Variants in B3GALT1 observed in about 807,000 individuals in gnomAD.
B3GALT1 encodes the protein beta-1,3-galactosyltransferase 1.
Under a neutral mutation model 23.2 loss-of-function variants are expected in B3GALT1, and 10 were observed. That is an observed-to-expected ratio of 0.43 (90% CI 0.27 to 0.73). The LOEUF is 0.73. B3GALT1 is among the 30% of genes least tolerant of loss of function. The pLI, the probability that B3GALT1 is intolerant of heterozygous loss-of-function variation, is 0.21. For missense variants in B3GALT1, 299 were observed against 405.4 expected, an observed-to-expected ratio of 0.74 and a Z score of 2.25; for synonymous variants, 156 against 141.5, an observed-to-expected ratio of 1.10 and a Z score of -0.73.
At chr2:167,477,006 A>T (rs562975411) in intron 1 of B3GALT1, among the ~76,000 whole-genome samples, 3 of 152,224 alleles carry the variant, frequency 2.0e-5, no homozygotes, top group Non-Finnish European at 4.4e-5. Context: ...GTGTTTGATC[A>T]TATCCATGTT....
chr2:167,588,202 G>A (rs962054864), intron 2 of B3GALT1, among the ~76,000 whole-genome samples: 28 of 151,988 alleles, frequency 1.8e-4, no homozygotes, highest in Admixed American at 1.6e-3. Flanking sequence ...GCTTCTAGTC[G>A]AAACATATGG....
At chr2:167,498,813 T>C (rs1306068041) in intron 2 of B3GALT1, among the ~76,000 whole-genome samples, 1 of 152,146 alleles carries the variant, frequency 6.6e-6, no homozygotes, top group Non-Finnish European at 1.5e-5. Context: ...CCCATCATGC[T>C]GCCCCTATTA....
chr2:167,564,081 G>T (rs1415073624), intron 2 of B3GALT1, among the ~76,000 whole-genome samples: 1 of 151,760 alleles, frequency 6.6e-6, no homozygotes, highest in African/African-American at 2.4e-5. Flanking sequence ...CGGCTGCCGG[G>T]CGGAGGGGCC....
At chr2:167,431,861 A>G (rs963534472) in intron 1 of B3GALT1, among the ~76,000 whole-genome samples, 7 of 152,242 alleles carry the variant, frequency 4.6e-5, no homozygotes, top group African/African-American at 1.4e-4. Context: ...AAAAATATCT[A>G]GAAAGTGTAA....
intron 1 of B3GALT1, among the ~76,000 whole-genome samples, chr2:167,321,636 G>C (rs1435021555): frequency 6.6e-6 from 1 of 151,954 alleles, no homozygotes; most frequent in African/African-American, 2.4e-5. Flanking sequence ...CTCTCTACTT[G>C]TGCTGTCAAG....
At chr2:167,520,802 T>C (rs780309586) in intron 2 of B3GALT1, among the ~76,000 whole-genome samples, 1 of 152,208 alleles carries the variant, frequency 6.6e-6, no homozygotes, top group Non-Finnish European at 1.5e-5. Context: ...AAATCTCTGC[T>C]CACATCTGCA....
intron 1 of B3GALT1, among the ~76,000 whole-genome samples, chr2:167,342,750 C>T (rs557619497): frequency 3.9e-5 from 6 of 151,986 alleles, no homozygotes; most frequent in Non-Finnish European, 8.8e-5. Flanking sequence ...ACTACAATTC[C>T]GATTTCCGTG....
chr2:167,688,256 T>C (rs1471718873), intron 3 of B3GALT1, among the ~76,000 whole-genome samples: 1 of 152,052 alleles, frequency 6.6e-6, no homozygotes, highest in Non-Finnish European at 1.5e-5. Flanking sequence ...CAAAGGACCA[T>C]TGTCAGACCA....
At chr2:167,310,862 ACTTCTGGAAGTTATTTATTT>A (rs1696624939) in intron 1 of B3GALT1, among the ~76,000 whole-genome samples, 2 of 152,016 alleles carry the variant, frequency 1.3e-5, no homozygotes, top group Admixed American at 6.6e-5. Flanking sequence ...GTGTTCAAGC[ACTTCTGGAAGTTATTTATTT>A]TTTTTGCTAA....
intron 2 of B3GALT1, among the ~76,000 whole-genome samples, chr2:167,495,482 C>T (rs562172074): frequency 1.2e-4 from 18 of 151,850 alleles, no homozygotes; most frequent in Non-Finnish European, 1.8e-4. Context: ...TACAGGCATG[C>T]GCCACCACGC....
intron 3 of B3GALT1, among the ~76,000 whole-genome samples, chr2:167,785,255 T>C (rs1360609495): frequency 6.6e-6 from 1 of 152,070 alleles, no homozygotes; most frequent in Admixed American, 6.5e-5. Flanking sequence ...ACAGGACAGG[T>C]GAGGGATCTG....
At chr2:167,408,942 C>T (rs1238430268) in intron 1 of B3GALT1, among the ~76,000 whole-genome samples, 2 of 151,938 alleles carry the variant, frequency 1.3e-5, no homozygotes, top group African/African-American at 2.4e-5. Flanking sequence ...ATGGGCAATA[C>T]CAGCCAAAGC....
intron 1 of B3GALT1, among the ~76,000 whole-genome samples, chr2:167,381,739 A>G (rs1382627993): frequency 6.6e-6 from 1 of 152,242 alleles, no homozygotes; most frequent in African/African-American, 2.4e-5. Flanking sequence ...ATTATACAAC[A>G]GAAACTATGG....
intron 3 of B3GALT1, among the ~76,000 whole-genome samples, chr2:167,648,878 T>C (rs531744797): frequency 2.4e-4 from 37 of 152,202 alleles, no homozygotes; most frequent in African/African-American, 8.4e-4. Context: ...TATTATTCCT[T>C]TTAACCTCCA....
chr2:167,392,311 A>C (rs912517069), intron 1 of B3GALT1, among the ~76,000 whole-genome samples: 8 of 152,060 alleles, frequency 5.3e-5, no homozygotes, highest in African/African-American at 1.9e-4. Context: ...CTACCAAAAA[A>C]CAAAATCTAA....
At chr2:167,367,935 A>G (rs1025070834) in intron 1 of B3GALT1, among the ~76,000 whole-genome samples, 4 of 152,218 alleles carry the variant, frequency 2.6e-5, no homozygotes, top group African/African-American at 9.6e-5. Flanking sequence ...CAAAAGCAAG[A>G]GTTTTCCAAT....
chr2:167,545,135 T>C (rs10165937), intron 2 of B3GALT1, among the ~76,000 whole-genome samples: 33,568 of 147,052 alleles, frequency 0.23, 4,751 homozygotes, highest in East Asian at 0.55. Flanking sequence ...CCCGGGTTCA[T>C]GCCATTCTCC....
At chr2:167,508,291 T>A (rs1699952939) in intron 2 of B3GALT1, among the ~76,000 whole-genome samples, 1 of 150,614 alleles carries the variant, frequency 6.6e-6, no homozygotes, top group Non-Finnish European at 1.5e-5. Flanking sequence ...GGAGTCTTGC[T>A]CTGTCACCCA....
At chr2:167,513,838 C>T (rs964291988) in intron 2 of B3GALT1, among the ~76,000 whole-genome samples, 4 of 151,966 alleles carry the variant, frequency 2.6e-5, no homozygotes, top group African/African-American at 9.7e-5. Context: ...TTTATTTTTA[C>T]TGCTGCTATA....
Sources: allele counts gnomAD v4.1 joint callset (sites outside exome capture counted in the v4.1 genomes callset), GRCh38; gene constraint gnomAD v4.1.1; transcripts MANE v1.5; gene names NCBI Gene and HGNC (gene_info 2026-07-23, HGNC 2026-07-21).